Variants in TCTN2 observed in about 807,000 individuals in gnomAD.
TCTN2 encodes the protein tectonic-2.
A neutral mutation model predicts 83.4 loss-of-function variants in TCTN2; 66 were observed. The ratio of observed to expected loss-of-function variants is 0.79; its 90% CI spans 0.65 to 0.97. The LOEUF is 0.97. Among genes scored for constraint, TCTN2 ranks in the 50% least tolerant of loss-of-function variants. TCTN2 has a pLI of 0.00. For synonymous variants in TCTN2, 301 were observed against 326.7 expected (o/e 0.92, Z 0.85); for missense variants, 794 against 858.1 (o/e 0.93, Z 0.93).
chr12:123,699,679 T>C, intron 13 of TCTN2, 25 bp from the exon 14 acceptor site: 1 of 1,581,508 alleles, frequency 6.3e-7, no homozygotes, highest in East Asian at 2.2e-5. Context: ...GGCCATGAGC[T>C]GAGAAATGTC....
chr12:123,673,918 G>A, intron 4 of TCTN2, 108 bp downstream of exon 4: 1 of 1,034,310 alleles, frequency 9.7e-7, no homozygotes, highest in South Asian at 1.4e-5. Context: ...TAAATGAGCT[G>A]CCCGGGAGGT....
At position 123,673,648 on chromosome 12, in the gene TCTN2, G is replaced by A. The variant is rs757725319; in HGVS notation, c.301G>A (p.Gly101Ser). Residue 101 changes from glycine (G) to serine (S), a missense_variant, in exon 4 of 18, where the codon GGT (glycine) becomes AGT (serine). Physicochemically the swap from Gly to Ser is moderately conservative, Grantham distance 56. Transcript: ENST00000303372. ...VLEVTVRWKRGLDWCSSNETD... is the reference protein window; with the variant it reads ...VLEVTVRWKRSLDWCSSNETD... ...GGAAGTGACAGTGAGGTGGAAGAGA[G>A]GTCTGGACTGGTGTTCCTCCAATGA... The A allele has an allele frequency of 1.2e-6, 2 of 1,614,168 alleles. No homozygotes were observed. Among genetic ancestry groups the A allele is most frequent in the South Asian group, 1.1e-5 (1 of 91,074 alleles).
intron 5 of TCTN2, among the ~76,000 whole-genome samples, chr12:123,684,123 G>A (rs1301682285): frequency 6.6e-6 from 1 of 152,108 alleles, no homozygotes; most frequent in Non-Finnish European, 1.5e-5. Context: ...CGTATGATTG[G>A]CATAGAAAAG....
chr12:123,671,404 G>A, intron 1 of TCTN2, 82 bp downstream of exon 1: 1 of 1,589,758 alleles, frequency 6.3e-7, no homozygotes, highest in Non-Finnish European at 8.6e-7. Flanking sequence ...GACTCCCCCG[G>A]GAGCTTCGGG....
rs1955994283 is a variant in TCTN2 at position 123,687,970 on chromosome 12, C to T, written c.765-81C>T. ...CAGAGTGAGACTCCATCTCAGAAAA[C>T]AAGAGTAAAGAACAACATTAAGGAA... On this transcript the variant is annotated intron_variant, in intron 6 of 17. Transcript: ENST00000303372. The T allele has an allele frequency of 1.8e-5, 28 of 1,577,082 alleles. 1 individual carries two copies. The East Asian group carries it at 6.0e-4, about 34-fold the overall frequency.
chr12:123,694,335 G>C (rs1033774129), intron 9 of TCTN2, among the ~76,000 whole-genome samples: 1 of 152,208 alleles, frequency 6.6e-6, no homozygotes, highest in African/African-American at 2.4e-5. Context: ...CGCCATGCTG[G>C]CCAGGCTGGT....
chr12:123,674,980 C>T (rs1016690070), intron 4 of TCTN2, among the ~76,000 whole-genome samples: 8 of 152,102 alleles, frequency 5.3e-5, no homozygotes, highest in African/African-American at 9.7e-5. Flanking sequence ...CTGGTTCAGG[C>T]GATCCTCCTG....
chr12:123,706,793 A>T lies in TCTN2; in HGVS notation c.1837A>T (p.Ile613Phe), dbSNP rs1317497007. 6.2e-7 allele frequency: 1 copy of T among 1,614,052 alleles called. No homozygotes were observed. Among genetic ancestry groups the T allele is most frequent in the African/African-American group, 1.3e-5 (1 of 74,906 alleles). The change falls in exon 16 of 18, where the codon ATC becomes TTC. Residue 613 changes from isoleucine (I) to phenylalanine (F), a missense_variant. By Grantham distance (21) the Ile-to-Phe change is conservative. Coordinates refer to ENST00000303372, the MANE Select transcript of TCTN2 (RefSeq NM_024809.5). ...TGAGCACAAGGCCGACCTTCTCCCT[A>T]TCAGTGCATCCGTCCAGTTTATTAA... ...TCEHKADLLP[I>F]SASVQFIKIP...
intron 5 of TCTN2, among the ~76,000 whole-genome samples, chr12:123,681,663 T>G (rs1315493421): frequency 6.6e-6 from 1 of 152,222 alleles, no homozygotes; most frequent in African/African-American, 2.4e-5. Flanking sequence ...ATTTGAGTTG[T>G]TTCTGTTTTT....
Position 123,688,117 on chromosome 12 carries a change from T to C in TCTN2, c.831T>C (p.Phe277=), listed in dbSNP as rs1566252825. Residue 277 remains phenylalanine (F), a synonymous_variant, in exon 7 of 18, where the codon TTT becomes TTC. Transcript: ENST00000303372. ...CTGACGCAAAAGACTTTGCAGACTT[T>C]GGTTACAAACAAGGAGATCCCATTA... The part of the protein sequence containing the change: ...VDTDAKDFAD[F]GYKQGDPIMT... 2 of 1,614,206 alleles carry C rather than the reference T, an allele frequency of 1.2e-6. No homozygotes were observed. Among genetic ancestry groups the C allele is most frequent in the East Asian group, 2.2e-5 (1 of 44,888 alleles).
rs1955949377 is a variant in TCTN2 at position 123,685,184 on chromosome 12, C to T, written c.565-1652C>T. ...CGGACTCCCTTTTGCATGTGTTGTGCTGTGTGCTACAGTACCAGCCCCTGA... is the reference window on the plus strand; with the variant it reads ...CGGACTCCCTTTTGCATGTGTTGTGTTGTGTGCTACAGTACCAGCCCCTGA... On this transcript the variant is annotated intron_variant, in intron 5 of 17. Transcript: ENST00000303372. Among the ~76,000 whole-genome samples, 2 of 152,110 alleles carry T rather than the reference C, an allele frequency of 1.3e-5. 1 individual carries two copies. The highest frequency in any genetic ancestry group is 4.1e-4 in the South Asian group (2 of 4,830).
chr12:123,707,963 C>A lies in TCTN2; in HGVS notation c.*250C>A. The A allele has an allele frequency of 2.0e-6, 1 of 509,284 alleles. No individual in the cohort carries two copies. The highest frequency in any genetic ancestry group is 3.6e-6 in the Non-Finnish European group (1 of 281,202). The allele number at this position is 509,284 out of a possible 1,614,324, so 31.5% of individuals were successfully genotyped here. A position where few individuals can be genotyped will look rare whatever the true frequency, so the allele number is the denominator to read the frequency against. On this transcript the variant is annotated 3_prime_UTR_variant, in exon 18 of 18. Coordinates refer to ENST00000303372, the MANE Select transcript of TCTN2 (RefSeq NM_024809.5). ...GACCTCATGATCCGCCCATCTTGGCCTCCCAAAGTGCTGAGATTACAGGCA... is the reference window on the plus strand; with the variant it reads ...GACCTCATGATCCGCCCATCTTGGCATCCCAAAGTGCTGAGATTACAGGCA...
At position 123,704,530 on chromosome 12, in the gene TCTN2, A is replaced by T. The variant is rs781389719; in HGVS notation, c.1613-2A>T. ...AAAGTGTATAACTTAACATTTCTAT[A>T]GGTGTAGATGCCCCTGATCCAGGTG... On this transcript the variant is annotated splice_acceptor_variant, in intron 14 of 17. Transcript: ENST00000303372. LOFTEE classifies it high-confidence loss of function. 6.2e-7 allele frequency: 1 copy of T among 1,610,110 alleles called. No individual in the cohort carries two copies. Among genetic ancestry groups the T allele is most frequent in the East Asian group, 2.2e-5 (1 of 44,804 alleles).
At chr12:123,693,028 T>A (rs2135843711) in intron 9 of TCTN2, among the ~76,000 whole-genome samples, 1 of 144,970 alleles carries the variant, frequency 6.9e-6, no homozygotes, top group East Asian at 2.0e-4. Context: ...CTTTTTTTTT[T>A]TTTTTTTTTT....
Position 123,671,706 on chromosome 12 carries a change from T to C in TCTN2, c.190+92T>C, listed in dbSNP as rs1593828069. ...GAGAGGTGGCATCCTTGGGGCCCCC[T>C]GCCTCTGTTCTCTGCAAAGTCGCAT... On this transcript the variant is annotated intron_variant, in intron 2 of 17. Coordinates refer to ENST00000303372, the MANE Select transcript of TCTN2 (RefSeq NM_024809.5). The C allele has an allele frequency of 1.8e-5, 20 of 1,133,108 alleles. No individual in the cohort carries two copies. The East Asian group carries it at 3.2e-4, about 18-fold the overall frequency. 70.2% of individuals were successfully genotyped at this position (1,133,108 alleles called of 1,614,324 possible).
At position 123,707,756 on chromosome 12, in the gene TCTN2, T is replaced by C. The variant is rs917154592; in HGVS notation, c.*43T>C. 2 of 1,505,258 alleles carry C rather than the reference T, an allele frequency of 1.3e-6. No homozygotes were observed. The highest frequency in any genetic ancestry group is 1.4e-5 in the African/African-American group (1 of 72,838). The allele number at this position is 1,505,258 out of a possible 1,614,324, so 93.2% of individuals were successfully genotyped here. On this transcript the variant is annotated 3_prime_UTR_variant, in exon 18 of 18. Coordinates refer to ENST00000303372, the MANE Select transcript of TCTN2 (RefSeq NM_024809.5). The stretch of plus-strand genomic sequence containing the variant: ...ATTTTTTTGAGATGGAGTTTTGCTC[T>C]TGTTGCCCAGGCTGAAGTGATCTCG...
Position 123,697,075 on chromosome 12 carries a change from T to C in TCTN2, c.1394-12T>C, listed in dbSNP as rs749193076. On this transcript the variant is annotated splice_polypyrimidine_tract_variant and intron_variant, in intron 12 of 17. Transcript: ENST00000303372. ...CAAAAAGTAGCAAGAGGATAATCTT[T>C]TTCTTTTATAGCTGGAAGGGGTCTG... The C allele has an allele frequency of 1.9e-6, 3 of 1,604,170 alleles. No homozygotes were observed. Among genetic ancestry groups the C allele is most frequent in the Non-Finnish European group, 2.6e-6 (3 of 1,170,972 alleles).
At chr12:123,700,181 T>C (rs905237300) in intron 14 of TCTN2, 3 of 365,304 alleles carry the variant, frequency 8.2e-6, no homozygotes, top group African/African-American at 6.3e-5. Flanking sequence ...CTGGCTAATT[T>C]TTTTATTATT....
intron 14 of TCTN2, among the ~76,000 whole-genome samples, chr12:123,701,505 G>A (rs963397090): frequency 2.0e-5 from 3 of 152,076 alleles, no homozygotes; most frequent in East Asian, 1.9e-4. Flanking sequence ...TTGGGAGGCC[G>A]AGGCGGGTGG....
Sources: gnomAD v4.1 joint callset for allele counts (sites outside exome capture counted in the v4.1 genomes callset) on GRCh38, gnomAD v4.1.1 for gene constraint, MANE v1.5 for transcripts, NCBI Gene and HGNC (gene_info 2026-07-23, HGNC 2026-07-21) for gene names.